Variants in MMP26 observed in about 807,000 individuals in gnomAD.
MMP26 encodes matrix metallopeptidase 26.
In MMP26, 33 loss-of-function variants were observed where a neutral mutation model predicts 31.0. The ratio of observed to expected loss-of-function variants is 1.06; its 90% CI spans 0.81 to 1.42. MMP26 has a LOEUF of 1.42. MMP26 is among the 40% of genes most tolerant of loss of function. The probability of loss-of-function intolerance (pLI) is 0.00; values close to 1 mark genes in which losing one functional copy is unlikely to be tolerated. For synonymous variants in MMP26, 122 were observed against 114.9 expected, an observed-to-expected ratio of 1.06 and a Z score of -0.40; for missense variants, 347 against 316.1, an observed-to-expected ratio of 1.10 and a Z score of -0.74.
At position 4,858,900 on chromosome 11, in the gene MMP26, C is replaced by T. The variant is rs1205853685; in HGVS notation, c.-145+91559C>T. 2.0e-5 allele frequency among the ~76,000 whole-genome samples: 3 copies of T among 152,122 alleles called. 1 individual carries two copies. Among genetic ancestry groups the T allele is most frequent in the Non-Finnish European group, 4.4e-5 (3 of 67,998 alleles). On this transcript the variant is annotated intron_variant, in intron 2 of 7. Transcript: ENST00000380390. ...TCTAGACCAACGGAACAGAACAGAG[C>T]CCTCAGAATTAATACCACACATCTA... is the stretch of plus-strand genomic sequence containing the variant.
intron 2 of MMP26, among the ~76,000 whole-genome samples, chr11:4,866,290 A>T (rs1850233417): frequency 6.6e-6 from 1 of 152,208 alleles, no homozygotes; most frequent in Admixed American, 6.6e-5. Context: ...TTCAGTTTAA[A>T]TTCATACAAG....
At chr11:4,875,859 G>A (rs188847355) in intron 2 of MMP26, 1 of 152,180 alleles carries the variant, frequency 6.6e-6, no homozygotes, top group Admixed American at 6.6e-5. Flanking sequence ...AAAGTTCCTT[G>A]GGAGCCAAGG....
intron 2 of MMP26, among the ~76,000 whole-genome samples, chr11:4,840,145 G>C (rs777510542): frequency 1.3e-5 from 2 of 152,168 alleles, no homozygotes; most frequent in Non-Finnish European, 2.9e-5. Context: ...GTGAGTGCCA[G>C]CTCAGCTGCA....
chr11:4,835,177 C>A (rs1465960785), intron 2 of MMP26, among the ~76,000 whole-genome samples: 1 of 148,356 alleles, frequency 6.7e-6, no homozygotes, highest in Non-Finnish European at 1.5e-5. Context: ...TCCCTCCCCC[C>A]TCTCTCTCTC....
At chr11:4,816,253 T>A (rs1325046622) in intron 2 of MMP26, among the ~76,000 whole-genome samples, 2 of 152,254 alleles carry the variant, frequency 1.3e-5, no homozygotes, top group Non-Finnish European at 2.9e-5. Context: ...TTTGATCTTC[T>A]CAAATTAGTT....
At chr11:4,738,681 C>G (rs958487089) in intron 1 of MMP26, among the ~76,000 whole-genome samples, 2 of 152,098 alleles carry the variant, frequency 1.3e-5, no homozygotes, top group East Asian at 3.9e-4. Context: ...AAATAAATAG[C>G]CTTTTGTCCT....
chr11:4,803,961 G>A (rs757396931), intron 2 of MMP26: 2 of 1,613,576 alleles, frequency 1.2e-6, no homozygotes, highest in South Asian at 2.2e-5. Context: ...CGACCGATGG[G>A]GTCAGGATGC....
intron 2 of MMP26, among the ~76,000 whole-genome samples, chr11:4,919,876 G>C (rs533063947): frequency 2.0e-5 from 3 of 152,112 alleles, no homozygotes; most frequent in South Asian, 4.2e-4. Context: ...ATACTCTTAG[G>C]GACTTCATCT....
intron 1 of MMP26, among the ~76,000 whole-genome samples, chr11:4,715,901 C>T (rs1338432130): frequency 2.6e-5 from 4 of 152,088 alleles, no homozygotes; most frequent in African/African-American, 4.8e-5. Context: ...AACTAAGGTC[C>T]CTGATTACTT....
chr11:4,970,369 A>C (rs1327149014), intron 2 of MMP26, among the ~76,000 whole-genome samples: 1 of 152,228 alleles, frequency 6.6e-6, no homozygotes, highest in Non-Finnish European at 1.5e-5. Context: ...GCCTGAGGAA[A>C]CATCAAGCAG....
chr11:4,734,786 G>A (rs991551539), intron 1 of MMP26, among the ~76,000 whole-genome samples: 24 of 151,866 alleles, frequency 1.6e-4, no homozygotes, highest in Non-Finnish European at 1.9e-4. Context: ...AGGCAGAATA[G>A]CATCGCATAG....
At chr11:4,835,086 A>G (rs1786884568) in intron 2 of MMP26, among the ~76,000 whole-genome samples, 2 of 151,930 alleles carry the variant, frequency 1.3e-5, no homozygotes, top group South Asian at 4.2e-4. Flanking sequence ...GTGAATATGT[A>G]CTTGTTTTAT....
At chr11:4,985,513 T>C (rs750286050) in intron 2 of MMP26, among the ~76,000 whole-genome samples, 3 of 152,184 alleles carry the variant, frequency 2.0e-5, no homozygotes, top group Admixed American at 6.5e-5. Context: ...TATTTACCCA[T>C]GTCTTTAGCA....
At chr11:4,981,178 T>C (rs1415659206) in intron 2 of MMP26, among the ~76,000 whole-genome samples, 2 of 152,126 alleles carry the variant, frequency 1.3e-5, no homozygotes, top group African/African-American at 2.4e-5. Flanking sequence ...ATTTTTGTAC[T>C]GTTTGATTTT....
chr11:4,733,163 A>G (rs1331101773), intron 1 of MMP26, among the ~76,000 whole-genome samples: 2 of 152,248 alleles, frequency 1.3e-5, no homozygotes, highest in Non-Finnish European at 2.9e-5. Flanking sequence ...TATGTATTTT[A>G]GGACCAGCTT....
At chr11:4,897,836 A>T (rs543377498) in intron 2 of MMP26, among the ~76,000 whole-genome samples, 1 of 151,346 alleles carries the variant, frequency 6.6e-6, no homozygotes, top group South Asian at 2.1e-4. Flanking sequence ...ACATGTTTCT[A>T]CCTGTGTTGC....
intron 1 of MMP26, chr11:4,736,260 T>C (rs1317496615): frequency 1.3e-5 from 2 of 152,066 alleles, no homozygotes; most frequent in Middle Eastern, 3.2e-3. Flanking sequence ...AATAAGCAAA[T>C]ATGCATTGGC....
chr11:4,930,773 CA>C lies in MMP26; in HGVS notation c.-144-57290del, dbSNP rs1209415313. The stretch of plus-strand genomic sequence containing the variant: ...AACTTTTAGAGGAGATTTTTATACT[CA>C]AAAATAGTTTTTGATTAAAACTCTT... On this transcript the variant is annotated intron_variant, in intron 2 of 7. Transcript: ENST00000380390. 2.0e-5 allele frequency among the ~76,000 whole-genome samples: 3 copies of C among 151,978 alleles called. No homozygotes were observed. In the East Asian group the frequency reaches 5.8e-4, roughly 29 times the overall value.
At chr11:4,842,556 G>A (rs1332225034) in intron 2 of MMP26, among the ~76,000 whole-genome samples, 1 of 152,156 alleles carries the variant, frequency 6.6e-6, no homozygotes, top group East Asian at 1.9e-4. Flanking sequence ...GATAACATGA[G>A]AAGTTACTCA....
Sources: gnomAD v4.1 joint callset for allele counts (sites outside exome capture counted in the v4.1 genomes callset) on GRCh38, gnomAD v4.1.1 for gene constraint, MANE v1.5 for transcripts, NCBI Gene and HGNC (gene_info 2026-07-23, HGNC 2026-07-21) for gene names.